HS6ST3: variants seen among roughly 807,000 people sequenced by gnomAD.
HS6ST3 encodes heparan sulfate 6-O-sulfotransferase 3.
HS6ST3 carries 12 observed loss-of-function variants against 36.7 expected under a neutral mutation model. The observed-to-expected ratio is 0.33, with a 90% CI of 0.21 to 0.53. The LOEUF (loss-of-function observed/expected upper bound fraction) is 0.53. Among genes scored for constraint, HS6ST3 ranks in the 20% least tolerant of loss-of-function variants. The probability of loss-of-function intolerance (pLI) is 0.95; values close to 1 mark genes in which losing one functional copy is unlikely to be tolerated. For synonymous variants in HS6ST3, 240 were observed against 257.5 expected (o/e 0.93, Z 0.65); for missense variants, 584 against 640.9 (o/e 0.91, Z 0.96).
chr13:96,431,224 CA>C (rs57942387), intron 1 of HS6ST3, among the ~76,000 whole-genome samples: 5 of 83,832 alleles, frequency 6.0e-5, no homozygotes, highest in African/African-American at 4.0e-4. Context: ...AACAAACAAA[CA>C]AACAACAACA....
chr13:96,666,847 T>G (rs2138428309), intron 1 of HS6ST3, among the ~76,000 whole-genome samples: 1 of 152,292 alleles, frequency 6.6e-6, no homozygotes, highest in African/African-American at 2.4e-5. Flanking sequence ...TATGCAATTT[T>G]TATATAGGAG....
intron 1 of HS6ST3, among the ~76,000 whole-genome samples, chr13:96,719,699 T>C (rs1241241938): frequency 6.6e-6 from 1 of 152,226 alleles, no homozygotes; most frequent in Non-Finnish European, 1.5e-5. Flanking sequence ...AGGTTTATGA[T>C]GCTGTTGCTC....
At chr13:96,828,144 G>A (rs1878688022) in intron 1 of HS6ST3, among the ~76,000 whole-genome samples, 1 of 152,158 alleles carries the variant, frequency 6.6e-6, no homozygotes, top group Non-Finnish European at 1.5e-5. Flanking sequence ...ATTGGCAAAA[G>A]CAAGAGCTCA....
intron 1 of HS6ST3, among the ~76,000 whole-genome samples, chr13:96,593,174 C>CCT (rs2056389075): frequency 2.1e-5 from 1 of 46,602 alleles, no homozygotes; most frequent in Non-Finnish European, 3.5e-5. Context: ...TTCTTTCTTT[C>CCT]TTTTTTTTTT....
In HS6ST3 at chr13:96,762,856, C is replaced by G. The variant is rs114479662; in HGVS notation, c.708-69634C>G. On this transcript the variant is annotated intron_variant, in intron 1 of 1. Transcript: ENST00000376705. Reference sequence around the variant, plus strand: ...ACAGGTCTTCCCTACATGTCCTTATCTCGTCCACTGACCTTTCTCTCCTTC... The same window carrying G: ...ACAGGTCTTCCCTACATGTCCTTATGTCGTCCACTGACCTTTCTCTCCTTC... Among the ~76,000 whole-genome samples, 875 of 152,306 alleles carry G rather than the reference C, an allele frequency of 5.7e-3. 8 individuals are homozygous for G. The highest frequency in any genetic ancestry group is 0.02 in the African/African-American group (816 of 41,556).
chr13:96,265,826 A>G (rs1171297606), intron 1 of HS6ST3, among the ~76,000 whole-genome samples: 2 of 152,174 alleles, frequency 1.3e-5, no homozygotes, highest in South Asian at 4.1e-4. Flanking sequence ...TATGAATTCC[A>G]TGGTTACTCA....
At chr13:96,197,281 G>A (rs2054318938) in intron 1 of HS6ST3, among the ~76,000 whole-genome samples, 1 of 152,130 alleles carries the variant, frequency 6.6e-6, no homozygotes, top group Non-Finnish European at 1.5e-5. Context: ...AGCAAAAGCA[G>A]AAACCCCTGA....
intron 1 of HS6ST3, among the ~76,000 whole-genome samples, chr13:96,202,679 T>G (rs966090072): frequency 2.0e-5 from 3 of 152,170 alleles, no homozygotes; most frequent in African/African-American, 7.2e-5. Flanking sequence ...TCCCAAGAGC[T>G]CTCAAGGATT....
chr13:96,739,383 C>T (rs1214396075), intron 1 of HS6ST3, among the ~76,000 whole-genome samples: 1 of 151,996 alleles, frequency 6.6e-6, no homozygotes, highest in East Asian at 1.9e-4. Flanking sequence ...TAACTTTATA[C>T]TGGTGTATCC....
intron 1 of HS6ST3, among the ~76,000 whole-genome samples, chr13:96,459,124 A>AAAAAAAAAAAC: frequency 7.3e-6 from 1 of 136,912 alleles, no homozygotes; most frequent in Non-Finnish European, 1.6e-5. Context: ...AAAAAAAAAA[A>AAAAAAAAAAAC]AGAGGTGACA....
At chr13:96,736,744 A>C (rs1876294396) in intron 1 of HS6ST3, among the ~76,000 whole-genome samples, 1 of 152,226 alleles carries the variant, frequency 6.6e-6, no homozygotes, top group East Asian at 1.9e-4. Context: ...AAATAGAACC[A>C]AAAACATTCT....
intron 1 of HS6ST3, among the ~76,000 whole-genome samples, chr13:96,462,577 C>T (rs185076211): frequency 6.6e-6 from 1 of 152,180 alleles, no homozygotes; most frequent in Admixed American, 6.5e-5. Flanking sequence ...TAAGAAAGCC[C>T]ACTGTCACAA....
chr13:96,130,604 A>G (rs751726565), intron 1 of HS6ST3, among the ~76,000 whole-genome samples: 14 of 152,068 alleles, frequency 9.2e-5, no homozygotes, highest in Non-Finnish European at 2.1e-4. Flanking sequence ...TACCTAACCA[A>G]TCATTGTGAA....
intron 1 of HS6ST3, among the ~76,000 whole-genome samples, chr13:96,233,327 A>G (rs2054517365): frequency 6.6e-6 from 1 of 152,190 alleles, no homozygotes; most frequent in Non-Finnish European, 1.5e-5. Context: ...TGGCTATGGA[A>G]TGGGTAGAAT....
chr13:96,298,036 A>T (rs953809255), intron 1 of HS6ST3, among the ~76,000 whole-genome samples: 1 of 152,172 alleles, frequency 6.6e-6, no homozygotes, highest in African/African-American at 2.4e-5. Context: ...AAGAAAAAAA[A>T]CCTGTTGTTT....
At chr13:96,824,975 G>A (rs528949581) in intron 1 of HS6ST3, among the ~76,000 whole-genome samples, 2 of 152,186 alleles carry the variant, frequency 1.3e-5, no homozygotes, top group African/African-American at 4.8e-5. Flanking sequence ...AGTCAGACTG[G>A]TCGCTAGAAT....
At chr13:96,686,537 G>A (rs987367291) in intron 1 of HS6ST3, among the ~76,000 whole-genome samples, 2 of 151,946 alleles carry the variant, frequency 1.3e-5, no homozygotes, top group Admixed American at 6.6e-5. Context: ...TTTTGTTGTT[G>A]TTTGATTTTA....
At chr13:96,198,551 T>C (rs2054325936) in intron 1 of HS6ST3, among the ~76,000 whole-genome samples, 1 of 152,236 alleles carries the variant, frequency 6.6e-6, no homozygotes, top group Non-Finnish European at 1.5e-5. Context: ...AAATTTCTTC[T>C]GCCAGCTACC....
At chr13:96,265,514 C>T (rs2054687786) in intron 1 of HS6ST3, among the ~76,000 whole-genome samples, 1 of 152,062 alleles carries the variant, frequency 6.6e-6, no homozygotes, top group African/African-American at 2.4e-5. Flanking sequence ...CATTTAGCAT[C>T]CCTTGTAACA....
Sources: gnomAD v4.1 joint callset for allele counts (sites outside exome capture counted in the v4.1 genomes callset) on GRCh38, gnomAD v4.1.1 for gene constraint, MANE v1.5 for transcripts, NCBI Gene and HGNC (gene_info 2026-07-23, HGNC 2026-07-21) for gene names.